Variants in AVIL observed in about 807,000 individuals in gnomAD.
AVIL encodes the protein advillin.
A neutral mutation model predicts 109.9 loss-of-function variants in AVIL; 78 were observed. The observed-to-expected ratio is 0.71, with a 90% CI of 0.59 to 0.86. AVIL has a LOEUF of 0.86. AVIL is among the 40% of genes least tolerant of loss of function. The pLI is 0.00. For synonymous variants in AVIL, 367 were observed against 379.1 expected, an observed-to-expected ratio of 0.97 and a Z score of 0.37; for missense variants, 892 against 1,016.5, an observed-to-expected ratio of 0.88 and a Z score of 1.67.
chr12:57,806,649 G>A (rs1955952654), intron 13 of AVIL, 110 bp from the exon 14 acceptor site: 3 of 1,245,592 alleles, frequency 2.4e-6, no homozygotes, highest in East Asian at 4.7e-5. Flanking sequence ...TGCCCTTGAG[G>A]AGCTTCTAGA....
chr12:57,809,087 C>G (rs571816795), intron 9 of AVIL: 1 of 165,580 alleles, frequency 6.0e-6, no homozygotes, highest in African/African-American at 2.4e-5. Flanking sequence ...TGCAGCCTCC[C>G]GGGTTCAAGT....
rs553192742 is a variant in AVIL, at chr12:57,805,242, A to T, written c.1671+1118T>A. Among the ~76,000 whole-genome samples the T allele has an allele frequency of 2.0e-5, 3 of 151,920 alleles. No homozygotes were observed. In the East Asian group the frequency reaches 5.9e-4, roughly 30 times the overall value. On this transcript the variant is annotated intron_variant, in intron 14 of 19. Coordinates refer to ENST00000549994, the MANE Select transcript of AVIL (RefSeq NM_006576.4). ...AGCTAATTTTTTGTATTTTTAGTAG[A>T]GGCGGGGTTTCACCATGCTGGCCGG...
At chr12:57,815,786 C>T in intron 2 of AVIL, 189 bp downstream of exon 2, 1 of 1,472,320 alleles carries the variant, frequency 6.8e-7, no homozygotes, top group Non-Finnish European at 9.0e-7. Flanking sequence ...ATTTCCTCCA[C>T]CTGCCAACCA....
At chr12:57,816,693 T>C (rs561521297) in intron 1 of AVIL, among the ~76,000 whole-genome samples, 2 of 136,584 alleles carry the variant, frequency 1.5e-5, no homozygotes, top group Non-Finnish European at 3.1e-5. Flanking sequence ...TCTCTTTGGC[T>C]TTTGTCCTTT....
intron 16 of AVIL, 69 bp downstream of exon 16, chr12:57,803,178 A>G: frequency 1.3e-6 from 2 of 1,587,314 alleles, no homozygotes; most frequent in Non-Finnish European, 1.7e-6. Context: ...TAGGGTGGGG[A>G]TACTACACAA....
intron 19 of AVIL, among the ~76,000 whole-genome samples, chr12:57,799,485 G>A (rs867800339): frequency 3.3e-5 from 5 of 152,226 alleles, no homozygotes; most frequent in African/African-American, 1.2e-4. Context: ...TTTGGCTGTT[G>A]TGTGGGGAAC....
chr12:57,816,758 T>G (rs1229690340), intron 1 of AVIL, among the ~76,000 whole-genome samples: 1 of 146,822 alleles, frequency 6.8e-6, no homozygotes, highest in Non-Finnish European at 1.5e-5. Flanking sequence ...AAACAACCCT[T>G]CCTTCTTTTG....
At position 57,801,221 on chromosome 12, in the gene AVIL, AAGAG is replaced by A. The variant is rs1955841639; in HGVS notation, c.2152-13_2152-10del. On this transcript the variant is annotated splice_polypyrimidine_tract_variant and intron_variant, in intron 17 of 19. Coordinates refer to ENST00000549994, the MANE Select transcript of AVIL (RefSeq NM_006576.4). The stretch of plus-strand genomic sequence containing the variant: ...TCATATGTTTTTCCTGCCTGAGAAG[AAGAG>A]AGAGAAAACACAGGATGAGGTCTTT... The A allele has an allele frequency of 6.2e-7, 1 of 1,611,834 alleles. No homozygotes were observed.
chr12:57,809,647 C>G lies in AVIL; in HGVS notation c.889G>C (p.Gly297Arg). 1 of 1,614,232 alleles carries G rather than the reference C, an allele frequency of 6.2e-7. No individual in the cohort carries two copies. The highest frequency in any genetic ancestry group is 8.5e-7 in the Non-Finnish European group (1 of 1,180,040). ...TTTTCAGCCTTTGTGGCTCCTTTTC[C>G]TTTCCACACGTAGATTTTGGTTCCA... ...QSGTKIYVWK[G>R]KGATKAEKQA... The change falls in exon 9 of 20, where the codon GGA (glycine) becomes CGA (arginine). Residue 297 changes from glycine to arginine, a missense_variant. Gly to Arg is a moderately radical substitution (Grantham distance 125). Transcript: ENST00000549994.
Position 57,810,528 on chromosome 12 carries a change from A to G in AVIL, c.582T>C (p.Ile194=). The G allele has an allele frequency of 6.2e-7, 1 of 1,613,770 alleles. No homozygotes were observed. ...CACGGCCCCCTCGCTCCCTGTCTCG[A>G]ATATCCTTTGCCAGAAGCATAGCCT... ...RLKAMLLAKD[I]RDRERGGRAK... Residue 194 remains isoleucine, a synonymous_variant, in exon 7 of 20, where the codon ATT becomes ATC. Coordinates refer to ENST00000549994, the MANE Select transcript of AVIL (RefSeq NM_006576.4).
At chr12:57,813,084 T>C (rs978461545) in intron 4 of AVIL, 143 bp downstream of exon 4, 1 of 1,049,110 alleles carries the variant, frequency 9.5e-7, no homozygotes, top group Non-Finnish European at 1.3e-6. Flanking sequence ...AGCTGTTTAA[T>C]CTGCTGCTCT....
At position 57,799,792 on chromosome 12, in the gene AVIL, C is replaced by G. The variant is rs375330629; in HGVS notation, c.2346+3G>C. On this transcript the variant is annotated splice_donor_region_variant and intron_variant, in intron 19 of 19. Transcript: ENST00000549994. Reference sequence around the variant, plus strand: ...AACAGACACAGTTCCTTCAGCCACTCACCTCCTTTTTGGCAGGGTTTACAT... The same window carrying G: ...AACAGACACAGTTCCTTCAGCCACTGACCTCCTTTTTGGCAGGGTTTACAT... 4 of 1,613,886 alleles carry G rather than the reference C, an allele frequency of 2.5e-6. No homozygotes were observed. Among genetic ancestry groups the G allele is most frequent in the Non-Finnish European group, 2.5e-6 (3 of 1,180,012 alleles).
At chr12:57,808,060 TAAAG>T in intron 11 of AVIL, 130 bp downstream of exon 11, 1 of 1,059,900 alleles carries the variant, frequency 9.4e-7, no homozygotes, top group Non-Finnish European at 1.5e-6. Context: ...ACAAGACTCT[TAAAG>T]AAGACTCCTG....
chr12:57,804,841 C>T (rs774012702), intron 14 of AVIL, among the ~76,000 whole-genome samples: 1 of 151,726 alleles, frequency 6.6e-6, no homozygotes, highest in Non-Finnish European at 1.5e-5. Context: ...CTGAAACTGT[C>T]GAAATGTTTT....
At chr12:57,807,846 C>T in intron 11 of AVIL, 119 bp from the exon 12 acceptor site, 1 of 1,404,362 alleles carries the variant, frequency 7.1e-7, no homozygotes, top group Non-Finnish European at 1.0e-6. Flanking sequence ...TCCCTTTCTC[C>T]CTCTGGTTCT....
At chr12:57,807,902 A>G in intron 11 of AVIL, 175 bp from the exon 12 acceptor site, 1 of 987,092 alleles carries the variant, frequency 1.0e-6, no homozygotes, top group Non-Finnish European at 1.6e-6. Flanking sequence ...TTGAATCGTG[A>G]GATGAACTGG....
intron 19 of AVIL, among the ~76,000 whole-genome samples, chr12:57,799,452 G>A (rs764160424): frequency 1.3e-5 from 2 of 152,250 alleles, no homozygotes; most frequent in African/African-American, 2.4e-5. Flanking sequence ...AAACAGGGCC[G>A]TGCCATATAT....
rs576509893 is a variant in AVIL, at chr12:57,818,610, C to G, written c.-20+19G>C. On this transcript the variant is annotated intron_variant, in intron 1 of 19. Coordinates refer to ENST00000549994, the MANE Select transcript of AVIL (RefSeq NM_006576.4). ...TCAGGAGGATTAACTGGCATGCCCC[C>G]GTAAATCAGAGACCTTACCTTGCCT... The G allele has an allele frequency of 6.6e-6, 1 of 152,184 alleles. No individual in the cohort carries two copies. Among genetic ancestry groups the G allele is most frequent in the African/African-American group, 2.4e-5 (1 of 41,438 alleles). 9.4% of individuals were successfully genotyped at this position (152,184 alleles called of 1,614,324 possible). A position where few individuals can be genotyped will look rare whatever the true frequency, so the allele number is the denominator to read the frequency against.
At chr12:57,816,700 C>CTTTTTTTTTTTTTTTT (rs11349032) in intron 1 of AVIL, among the ~76,000 whole-genome samples, 1 of 93,490 alleles carries the variant, frequency 1.1e-5, no homozygotes, top group Non-Finnish European at 2.1e-5. Flanking sequence ...GGCTTTTGTC[C>CTTTTTTTTTTTTTTTT]TTTTTTTTTT....
Sources: allele counts gnomAD v4.1 joint callset (sites outside exome capture counted in the v4.1 genomes callset), GRCh38; gene constraint gnomAD v4.1.1; transcripts MANE v1.5; gene names NCBI Gene and HGNC (gene_info 2026-07-23, HGNC 2026-07-21).